NKAIN3: variants seen among roughly 807,000 people sequenced by gnomAD.
The protein encoded by NKAIN3 is sodium/potassium transporting ATPase interacting 3.
In NKAIN3, 25 loss-of-function variants were observed where a neutral mutation model predicts 30.2. The ratio of observed to expected loss-of-function variants is 0.83; its 90% CI spans 0.60 to 1.16. The LOEUF is 1.16. NKAIN3 is among the 50% of genes most tolerant of loss of function. The pLI, the probability that NKAIN3 is intolerant of heterozygous loss-of-function variation, is 0.00. For synonymous variants in NKAIN3, 91 were observed against 89.6 expected, an observed-to-expected ratio of 1.02 and a Z score of -0.09; for missense variants, 225 against 254.1, an observed-to-expected ratio of 0.89 and a Z score of 0.78.
chr8:62,274,841 C>T (rs947060133), intron 1 of NKAIN3, among the ~76,000 whole-genome samples: 1 of 150,136 alleles, frequency 6.7e-6, no homozygotes, highest in Non-Finnish European at 1.5e-5. Flanking sequence ...TGAGAACATG[C>T]AGTGTTTGGT....
chr8:62,773,244 G>A (rs1301495872), intron 4 of NKAIN3, among the ~76,000 whole-genome samples: 1 of 152,100 alleles, frequency 6.6e-6, no homozygotes, highest in African/African-American at 2.4e-5. Context: ...TATGGAGAGA[G>A]ATTGGAGTAT....
chr8:62,549,221 G>A (rs1809113015), intron 1 of NKAIN3, among the ~76,000 whole-genome samples: 1 of 152,072 alleles, frequency 6.6e-6, no homozygotes. Flanking sequence ...TTCTCACCCA[G>A]GCACTCAGTA....
intron 1 of NKAIN3, among the ~76,000 whole-genome samples, chr8:62,398,935 C>T (rs1233244825): frequency 1.3e-5 from 2 of 152,020 alleles, no homozygotes; most frequent in Admixed American, 1.3e-4. Context: ...ACTAAAAATA[C>T]AAAAAATTAG....
At chr8:62,399,227 A>T (rs183537104) in intron 1 of NKAIN3, among the ~76,000 whole-genome samples, 20 of 152,194 alleles carry the variant, frequency 1.3e-4, no homozygotes, top group African/African-American at 4.8e-4. Context: ...TGTTCAGGGC[A>T]GGGCATGGTA....
Position 62,594,789 on chromosome 8 carries a change from C to T in NKAIN3, c.273+4995C>T, listed in dbSNP as rs1810771168. On this transcript the variant is annotated intron_variant, in intron 3 of 6. Transcript: ENST00000623646. ...TTTCTTTCTTTCTTTTCCTTCCTTC[C>T]TTCCTTCCTCCCTTCCTTTCTTCCC... Among the ~76,000 whole-genome samples the T allele has an allele frequency of 2.0e-5, 3 of 151,596 alleles. No homozygotes were observed. The South Asian group carries it at 6.2e-4, about 32-fold the overall frequency.
intron 4 of NKAIN3, among the ~76,000 whole-genome samples, chr8:62,869,642 C>T (rs564396644): frequency 6.6e-6 from 1 of 152,196 alleles, no homozygotes; most frequent in Non-Finnish European, 1.5e-5. Context: ...GGCAGAGAAG[C>T]AGCTTGCTGG....
chr8:62,890,781 G>A (rs1389348556), intron 4 of NKAIN3, among the ~76,000 whole-genome samples: 2 of 152,150 alleles, frequency 1.3e-5, no homozygotes, highest in Non-Finnish European at 2.9e-5. Flanking sequence ...AAAGGGAAGT[G>A]GTAACCAAAA....
intron 4 of NKAIN3, among the ~76,000 whole-genome samples, chr8:62,896,137 T>G (rs1821420700): frequency 6.6e-6 from 1 of 152,104 alleles, no homozygotes; most frequent in South Asian, 2.1e-4. Flanking sequence ...AAGATCAGGG[T>G]GCCAGCATAG....
At chr8:62,859,351 T>A (rs1040870173) in intron 4 of NKAIN3, among the ~76,000 whole-genome samples, 1 of 152,016 alleles carries the variant, frequency 6.6e-6, no homozygotes, top group African/African-American at 2.4e-5. Context: ...TATCACTTGT[T>A]AATCTCCTGA....
At chr8:62,473,721 G>T (rs1475384719) in intron 1 of NKAIN3, among the ~76,000 whole-genome samples, 1 of 151,942 alleles carries the variant, frequency 6.6e-6, no homozygotes. Flanking sequence ...ACATTATGTG[G>T]CAATTTTTGA....
chr8:62,409,230 G>T lies in NKAIN3; in HGVS notation c.54+160103G>T, dbSNP rs1216090034. On this transcript the variant is annotated intron_variant, in intron 1 of 6. Transcript: ENST00000623646. The stretch of plus-strand genomic sequence containing the variant: ...ATGGAGTTTCGCTCTTGTTGCCCAG[G>T]CTGGAATGCAGTGGAGCAATCTCAG... Among the ~76,000 whole-genome samples the T allele has an allele frequency of 5.3e-5, 8 of 152,174 alleles. No homozygotes were observed. In the South Asian group the frequency reaches 1.5e-3, roughly 28 times the overall value.
rs553074260 is a variant in NKAIN3, at chr8:62,457,158, G to C, written c.55-122381G>C. Among the ~76,000 whole-genome samples the C allele has an allele frequency of 4.6e-5, 7 of 152,274 alleles. No individual in the cohort carries two copies. The East Asian group carries it at 1.4e-3, about 29-fold the overall frequency. ...TGTGTACACAGGAAGTGGCTGAATC[G>C]GGGATGTTTCTGGAGAAAGGACTGC... On this transcript the variant is annotated intron_variant, in intron 1 of 6. Transcript: ENST00000623646.
chr8:62,605,350 G>A (rs557789473), intron 3 of NKAIN3, among the ~76,000 whole-genome samples: 63 of 151,968 alleles, frequency 4.1e-4, no homozygotes, highest in Admixed American at 3.2e-3. Flanking sequence ...GCCCATGACC[G>A]GATTTGTTTT....
chr8:62,919,689 T>C (rs976404048), intron 5 of NKAIN3, among the ~76,000 whole-genome samples: 2 of 152,234 alleles, frequency 1.3e-5, no homozygotes, highest in Admixed American at 6.5e-5. Context: ...GCAAAGTAGC[T>C]AGCCATTGTA....
chr8:62,294,474 A>G (rs1017330097), intron 1 of NKAIN3, among the ~76,000 whole-genome samples: 3 of 152,224 alleles, frequency 2.0e-5, no homozygotes, highest in Non-Finnish European at 4.4e-5. Context: ...AAAAAGGATT[A>G]TAATAAATAA....
chr8:62,706,886 T>G (rs1368617383), intron 3 of NKAIN3, among the ~76,000 whole-genome samples: 7 of 152,060 alleles, frequency 4.6e-5, no homozygotes, highest in Admixed American at 6.6e-5. Context: ...TTCATATGCC[T>G]TTGCATCCTC....
intron 1 of NKAIN3, among the ~76,000 whole-genome samples, chr8:62,254,505 T>C (rs552817005): frequency 6.6e-6 from 1 of 152,058 alleles, no homozygotes; most frequent in East Asian, 1.9e-4. Context: ...TCAACTTACT[T>C]TAAAAATAGG....
At chr8:62,478,831 T>C (rs951299090) in intron 1 of NKAIN3, among the ~76,000 whole-genome samples, 8 of 152,146 alleles carry the variant, frequency 5.3e-5, no homozygotes, top group Admixed American at 3.3e-4. Flanking sequence ...TTACAGACAG[T>C]AATAAAAATT....
chr8:62,683,927 A>G (rs904091860), intron 3 of NKAIN3, among the ~76,000 whole-genome samples: 1 of 152,110 alleles, frequency 6.6e-6, no homozygotes, highest in African/African-American at 2.4e-5. Context: ...ACAAAGATGG[A>G]TGGGGTATTG....
Sources: allele counts gnomAD v4.1 joint callset (sites outside exome capture counted in the v4.1 genomes callset), GRCh38; gene constraint gnomAD v4.1.1; transcripts MANE v1.5; gene names NCBI Gene and HGNC (gene_info 2026-07-23, HGNC 2026-07-21).